Variants in KRT25 observed in about 807,000 individuals in gnomAD.
The protein encoded by KRT25 is keratin, type I cytoskeletal 25.
KRT25 carries 37 observed loss-of-function variants against 47.6 expected under a neutral mutation model. The observed-to-expected ratio is 0.78, with a 90% CI of 0.60 to 1.02. KRT25 has a LOEUF of 1.02. KRT25 is among the 50% of genes least tolerant of loss of function. The pLI, the probability that KRT25 is intolerant of heterozygous loss-of-function variation, is 0.00. For synonymous variants in KRT25, 203 were observed against 210.2 expected, an observed-to-expected ratio of 0.97 and a Z score of 0.30; for missense variants, 542 against 550.3, an observed-to-expected ratio of 0.98 and a Z score of 0.15.
chr17:40,749,945 A>G (rs2038030597), intron 6 of KRT25, among the ~76,000 whole-genome samples: 1 of 152,174 alleles, frequency 6.6e-6, no homozygotes. Context: ...TTCTGGGGTG[A>G]TGAAAATGAT....
At chr17:40,750,182 G>C (rs888916169) in intron 6 of KRT25, among the ~76,000 whole-genome samples, 198 bp downstream of exon 6, 1 of 152,228 alleles carries the variant, frequency 6.6e-6, no homozygotes, top group African/African-American at 2.4e-5. Flanking sequence ...TTCATATCTT[G>C]AACTCGGTGC....
intron 6 of KRT25, 39 bp from the exon 7 acceptor site, chr17:40,749,364 C>A (rs781728781): frequency 2.1e-6 from 3 of 1,418,850 alleles, no homozygotes; most frequent in Admixed American, 3.4e-5. Flanking sequence ...TTAGAGAGAA[C>A]CCCATCAATT....
At chr17:40,754,266 AT>A in intron 2 of KRT25, 119 bp downstream of exon 2, 1 of 889,960 alleles carries the variant, frequency 1.1e-6, no homozygotes, top group East Asian at 2.5e-5. Context: ...TAAAAAAGTA[AT>A]AACATCCTGT....
intron 5 of KRT25, 98 bp from the exon 6 acceptor site, chr17:40,750,695 T>C (rs1043644395): frequency 6.5e-6 from 10 of 1,529,158 alleles, no homozygotes; most frequent in Admixed American, 3.7e-5. Flanking sequence ...TTACATATAA[T>C]TGTTTCAGAT....
chr17:40,750,987 G>C lies in KRT25; in HGVS notation c.924C>G (p.Thr308=), dbSNP rs764714874. ...ELTEMKRTLQ[T]LEIELQSLLA... ...GGAGAGACTGAAGTTCAATTTCCAGGGTTTGAAGAGTGCGCTTCATTTCAG... is the reference window on the plus strand; with the variant it reads ...GGAGAGACTGAAGTTCAATTTCCAGCGTTTGAAGAGTGCGCTTCATTTCAG... The change falls in exon 5 of 8, where the codon ACC becomes ACG. Residue 308 remains threonine, a synonymous_variant. Coordinates refer to ENST00000312150, the MANE Select transcript of KRT25 (RefSeq NM_181534.4). The C allele has an allele frequency of 6.2e-7, 1 of 1,614,038 alleles. No homozygotes were observed. Among genetic ancestry groups the C allele is most frequent in the Non-Finnish European group, 8.5e-7 (1 of 1,180,036 alleles).
intron 3 of KRT25, among the ~76,000 whole-genome samples, chr17:40,751,853 A>AATGT (rs1281335947): frequency 5.1e-5 from 5 of 97,494 alleles, no homozygotes; most frequent in African/African-American, 1.5e-4. Flanking sequence ...TAAATAAATA[A>AATGT]ATGTATGTGT....
chr17:40,750,268 A>G (rs1166309186), intron 6 of KRT25, 112 bp downstream of exon 6: 2 of 989,662 alleles, frequency 2.0e-6, no homozygotes, highest in African/African-American at 3.2e-5. Context: ...TTTAGTATTC[A>G]TGATAATAAA....
At chr17:40,751,412 C>G in intron 3 of KRT25, 86 bp from the exon 4 acceptor site, 1 of 1,431,320 alleles carries the variant, frequency 7.0e-7, no homozygotes, top group South Asian at 1.5e-5. Flanking sequence ...ACTTAGAGTT[C>G]GTCTGGTTTT....
Position 40,750,667 on chromosome 17 carries a change from T to A in KRT25, c.958-70A>T, listed in dbSNP as rs2038037968. The A allele has an allele frequency of 2.5e-6, 4 of 1,592,352 alleles. No individual in the cohort carries two copies. In the South Asian group the frequency reaches 3.3e-5, roughly 13 times the overall value. On this transcript the variant is annotated intron_variant, in intron 5 of 7. Transcript: ENST00000312150. ...TGCAGGGATTTCTTTGATACATGAT[T>A]TTCTCCTGCTGTTAACTTTACATAT...
intron 7 of KRT25, among the ~76,000 whole-genome samples, chr17:40,748,649 C>T: frequency 6.6e-6 from 1 of 152,066 alleles, no homozygotes; most frequent in South Asian, 2.1e-4. Context: ...TGTATGTATT[C>T]TTACCAAGCC....
chr17:40,751,194 T>C lies in KRT25; in HGVS notation c.802A>G (p.Arg268Gly), dbSNP rs2144124922. The change falls in exon 4 of 8, where the codon AGG becomes GGG. Residue 268 changes from arginine (R) to glycine (G), a missense_variant. Physicochemically the swap from Arg to Gly is moderately radical, Grantham distance 125. Transcript: ENST00000312150. ...EYEALAEQNR[R>G]DAEAWFNEKS... ...TCGTTGAACCAGGCCTCCGCGTCCC[T>C]GCGGTTCTGCTCTGCAAGGGCTTCG... 4 of 1,614,176 alleles carry C rather than the reference T, an allele frequency of 2.5e-6. No homozygotes were observed. The African/African-American group carries it at 4.0e-5, about 16-fold the overall frequency.
chr17:40,749,307 A>G lies in KRT25; in HGVS notation c.1194T>C (p.Gly398=). The change falls in exon 7 of 8, where the codon GGT becomes GGC. Residue 398 remains glycine (G), a synonymous_variant. Transcript: ENST00000312150. ...CAGATCCATAATCTTTAGACTTGTAACCCCCAGACTTACAGGCTCTGTGAA... is the reference window on the plus strand; with the variant it reads ...CAGATCCATAATCTTTAGACTTGTAGCCCCCAGACTTACAGGCTCTGTGAA... ...GGDDGACKSG[G]YKSKDYGSGN... is the part of the protein sequence containing the mutation. 1 of 1,613,514 alleles carries G rather than the reference A, an allele frequency of 6.2e-7. No homozygotes were observed. The highest frequency in any genetic ancestry group is 8.5e-7 in the Non-Finnish European group (1 of 1,179,502).
intron 3 of KRT25, among the ~76,000 whole-genome samples, chr17:40,752,604 T>C (rs1339016330): frequency 1.3e-5 from 2 of 152,216 alleles, no homozygotes; most frequent in Admixed American, 6.5e-5. Context: ...AAAAGATATA[T>C]GTATATCATC....
Position 40,750,577 on chromosome 17 carries a change from G to A in KRT25, c.978C>T (p.Ser326=). 1 of 1,614,224 alleles carries A rather than the reference G, an allele frequency of 6.2e-7. No homozygotes were observed. The highest frequency in any genetic ancestry group is 8.5e-7 in the Non-Finnish European group (1 of 1,180,040). The part of the protein sequence containing the change: ...LLATKHSLEC[S]LTETESNYCA... ...AGTAGTTGCTCTCGGTCTCTGTCAA[G>A]GAGCACTCCAGGGAGTGTTTCTGTC... The change falls in exon 6 of 8, where the codon TCC becomes TCT. Residue 326 remains serine (S), a synonymous_variant. Transcript: ENST00000312150.
In KRT25 at chr17:40,748,120, T is replaced by C. The variant is rs1041953941; in HGVS notation, c.*157A>G. ...TATTTGTGTGTGGCATTCTTCTAGATGAATGGGGAGATGCTGTCATTGATT... is the reference window on the plus strand; with the variant it reads ...TATTTGTGTGTGGCATTCTTCTAGACGAATGGGGAGATGCTGTCATTGATT... On this transcript the variant is annotated 3_prime_UTR_variant, in exon 8 of 8. Coordinates refer to ENST00000312150, the MANE Select transcript of KRT25 (RefSeq NM_181534.4). 3 of 516,672 alleles carry C rather than the reference T, an allele frequency of 5.8e-6. No homozygotes were observed. The East Asian group carries it at 9.5e-5, about 16-fold the overall frequency. The allele number at this position is 516,672 out of a possible 1,614,324, so 32.0% of individuals were successfully genotyped here. A position where few individuals can be genotyped will look rare whatever the true frequency, so the allele number is the denominator to read the frequency against.
In KRT25 at chr17:40,755,134, A is replaced by G; in HGVS notation, c.138T>C (p.Ser46=). 6.2e-7 allele frequency: 1 copy of G among 1,614,188 alleles called. No individual in the cohort carries two copies. Among genetic ancestry groups the G allele is most frequent in the East Asian group, 2.2e-5 (1 of 44,888 alleles). The change falls in exon 1 of 8, where the codon TCT becomes TCC. Residue 46 remains serine (S), a synonymous_variant. Coordinates refer to ENST00000312150, the MANE Select transcript of KRT25 (RefSeq NM_181534.4). ...CCGATGAGCTGCCTCCGAAGGCACT[A>G]GAGAAGCCACTTCCAATCCCTGAAA... ...CGISGIGSGF[S]SAFGGSSSGG... is the part of the protein sequence containing the mutation.
At chr17:40,751,879 C>T (rs182681578) in intron 3 of KRT25, among the ~76,000 whole-genome samples, 5 of 84,292 alleles carry the variant, frequency 5.9e-5, no homozygotes, top group African/African-American at 1.7e-4. Flanking sequence ...TGTGTGTGTG[C>T]GTGCGTGTGT....
chr17:40,754,546 G>C, intron 1 of KRT25, 78 bp from the exon 2 acceptor site: 1 of 1,333,340 alleles, frequency 7.5e-7, no homozygotes, highest in Admixed American at 1.7e-5. Context: ...TGCTAAATTG[G>C]AATTCTCTTT....
chr17:40,748,102 G>A lies in KRT25; in HGVS notation c.*175C>T. 1 of 483,492 alleles carries A rather than the reference G, an allele frequency of 2.1e-6. No homozygotes were observed. Among genetic ancestry groups the A allele is most frequent in the Non-Finnish European group, 3.6e-6 (1 of 275,728 alleles). The allele number at this position is 483,492 out of a possible 1,614,324, so 30.0% of individuals were successfully genotyped here. On this transcript the variant is annotated 3_prime_UTR_variant, in exon 8 of 8. Transcript: ENST00000312150. ...GGATAATCAAATGAGTCATATTTGT[G>A]TGTGGCATTCTTCTAGATGAATGGG...
Sources: allele counts gnomAD v4.1 joint callset (sites outside exome capture counted in the v4.1 genomes callset), GRCh38; gene constraint gnomAD v4.1.1; transcripts MANE v1.5; gene names NCBI Gene and HGNC (gene_info 2026-07-23, HGNC 2026-07-21).